The following BCKDHB variants were observed in gnomAD, a reference collection of about 807,000 sequenced individuals.
The protein encoded by BCKDHB is 2-oxoisovalerate dehydrogenase subunit beta, mitochondrial.
In BCKDHB, 41 loss-of-function variants were observed where a neutral mutation model predicts 48.5. That is an observed-to-expected ratio of 0.85 (90% CI 0.66 to 1.10). The LOEUF (loss-of-function observed/expected upper bound fraction) is 1.10, where lower values mean the gene tolerates loss of function less well. Among genes scored for constraint, BCKDHB ranks in the 50% least tolerant of loss-of-function variants. BCKDHB has a pLI of 0.00. For missense variants in BCKDHB, 496 were observed against 494.2 expected (o/e 1.00, Z -0.03); for synonymous variants, 201 against 174.8 (o/e 1.15, Z -1.18).
At chr6:80,291,323 T>A (rs1433734794) in intron 9 of BCKDHB, among the ~76,000 whole-genome samples, 1 of 152,180 alleles carries the variant, frequency 6.6e-6, no homozygotes, top group Non-Finnish European at 1.5e-5. Flanking sequence ...TGTCTTGCAT[T>A]CAGGGTAGAG....
In BCKDHB at chr6:80,174,249, TAATA is replaced by T. The variant is rs1049580796; in HGVS notation, c.742+2864_742+2867del. ...GACTCATAATGGTTCATGGATGGAC[TAATA>T]AATATGGATGTAGAATTATTATAAA... On this transcript the variant is annotated intron_variant, in intron 6 of 9. Transcript: ENST00000320393. 7.9e-5 allele frequency among the ~76,000 whole-genome samples: 12 copies of T among 152,318 alleles called. 1 individual carries two copies. Among genetic ancestry groups the T allele is most frequent in the African/African-American group, 2.9e-4 (12 of 41,576 alleles).
chr6:80,311,555 T>C (rs1768161854), intron 9 of BCKDHB, among the ~76,000 whole-genome samples: 1 of 152,206 alleles, frequency 6.6e-6, no homozygotes, highest in Non-Finnish European at 1.5e-5. Context: ...GTTTTTATAG[T>C]TTTGGGTTTT....
chr6:80,165,281 C>G (rs568743842), intron 3 of BCKDHB, among the ~76,000 whole-genome samples: 1 of 152,192 alleles, frequency 6.6e-6, no homozygotes, highest in South Asian at 2.1e-4. Context: ...CAAAGATTAT[C>G]AAGCTACTCA....
the BCKDHB span, among the ~76,000 whole-genome samples, chr6:80,442,636 G>A: frequency 6.6e-6 from 1 of 152,124 alleles, no homozygotes; most frequent in East Asian, 1.9e-4. Context: ...AGAGGATAGA[G>A]AAGAGAGAAA....
At chr6:80,172,308 G>A (rs1396396783) in intron 6 of BCKDHB, among the ~76,000 whole-genome samples, 1 of 151,790 alleles carries the variant, frequency 6.6e-6, no homozygotes, top group Non-Finnish European at 1.5e-5. Flanking sequence ...ACTTAGTAAG[G>A]AACATGGTCA....
rs1235079947 is a variant in BCKDHB at position 80,342,942 on chromosome 6, T to C, written c.1039-722T>C. The stretch of plus-strand genomic sequence containing the variant: ...TAGTCTCTCATGGAAGACAGATAAT[T>C]GGGCAACTACAATGGATTATGCCGA... On this transcript the variant is annotated intron_variant, in intron 9 of 9. Coordinates refer to ENST00000320393, the MANE Select transcript of BCKDHB (RefSeq NM_183050.4). Among the ~76,000 whole-genome samples, 3 of 152,208 alleles carry C rather than the reference T, an allele frequency of 2.0e-5. No homozygotes were observed. In the East Asian group the frequency reaches 5.8e-4, roughly 29 times the overall value.
chr6:80,197,432 CT>C (rs1249647139), intron 6 of BCKDHB, among the ~76,000 whole-genome samples: 2 of 151,750 alleles, frequency 1.3e-5, no homozygotes, highest in African/African-American at 4.8e-5. Context: ...ACTTTGTTTG[CT>C]TTGTTATTCC....
chr6:80,245,958 TC>T (rs1776593748), intron 8 of BCKDHB, among the ~76,000 whole-genome samples: 1 of 152,114 alleles, frequency 6.6e-6, no homozygotes, highest in African/African-American at 2.4e-5. Flanking sequence ...GTGCCTGTGG[TC>T]CAGCTACTCG....
At chr6:80,125,102 A>G (rs1365086001) in intron 1 of BCKDHB, among the ~76,000 whole-genome samples, 2 of 152,190 alleles carry the variant, frequency 1.3e-5, no homozygotes, top group Admixed American at 1.3e-4. Flanking sequence ...ACCTTCATCA[A>G]TGATCTTAGT....
intron 9 of BCKDHB, among the ~76,000 whole-genome samples, chr6:80,286,706 A>T (rs756565592): frequency 1.3e-5 from 2 of 152,164 alleles, no homozygotes; most frequent in African/African-American, 4.8e-5. Context: ...TTTGCCTTTC[A>T]ACTATGAAAC....
intron 3 of BCKDHB, among the ~76,000 whole-genome samples, chr6:80,131,354 T>C (rs1236713333): frequency 1.3e-5 from 2 of 152,208 alleles, no homozygotes; most frequent in Admixed American, 1.3e-4. Flanking sequence ...GGTGAATATA[T>C]CACCATCCAT....
At chr6:80,405,968 C>A in the BCKDHB span, among the ~76,000 whole-genome samples, 1 of 152,048 alleles carries the variant, frequency 6.6e-6, no homozygotes, top group Non-Finnish European at 1.5e-5. Context: ...TAATGCTATC[C>A]CTCCTCCAGG....
chr6:80,353,838 G>C, the BCKDHB span, among the ~76,000 whole-genome samples: 5 of 139,690 alleles, frequency 3.6e-5, no homozygotes, highest in African/African-American at 1.3e-4. Flanking sequence ...GGGCGACAAA[G>C]TGAGACTCCG....
At chr6:80,144,419 A>T (rs769400738) in intron 3 of BCKDHB, among the ~76,000 whole-genome samples, 1 of 152,190 alleles carries the variant, frequency 6.6e-6, no homozygotes, top group African/African-American at 2.4e-5. Flanking sequence ...ATTACAATGC[A>T]TAACTGTTTA....
At chr6:80,198,325 T>G (rs1935241195) in intron 6 of BCKDHB, among the ~76,000 whole-genome samples, 1 of 152,212 alleles carries the variant, frequency 6.6e-6, no homozygotes. Flanking sequence ...ACACAAAAAC[T>G]TTTAAAGAAG....
At chr6:80,279,976 G>A (rs1778130248) in intron 9 of BCKDHB, among the ~76,000 whole-genome samples, 1 of 152,188 alleles carries the variant, frequency 6.6e-6, no homozygotes, top group African/African-American at 2.4e-5. Flanking sequence ...GAAGGTAGGT[G>A]GGTATTTCAG....
intron 8 of BCKDHB, among the ~76,000 whole-genome samples, chr6:80,251,985 A>C (rs1044973123): frequency 6.6e-6 from 1 of 152,248 alleles, no homozygotes; most frequent in African/African-American, 2.4e-5. Flanking sequence ...ATTTTATGCC[A>C]AAGTAATAGC....
chr6:80,327,490 G>A (rs1769092189), intron 9 of BCKDHB, among the ~76,000 whole-genome samples: 1 of 152,166 alleles, frequency 6.6e-6, no homozygotes, highest in Non-Finnish European at 1.5e-5. Context: ...ACCTGAGACT[G>A]GGTAATTTAT....
intron 8 of BCKDHB, among the ~76,000 whole-genome samples, chr6:80,219,388 G>A (rs1014599902): frequency 6.6e-5 from 10 of 152,140 alleles, no homozygotes; most frequent in African/African-American, 1.9e-4. Context: ...GTATTTTTTA[G>A]TAGAGACGGG....
Sources: allele counts gnomAD v4.1 joint callset (sites outside exome capture counted in the v4.1 genomes callset), GRCh38; gene constraint gnomAD v4.1.1; transcripts MANE v1.5; gene names NCBI Gene and HGNC (gene_info 2026-07-23, HGNC 2026-07-21).